The following BATF variants were observed in gnomAD, a reference collection of about 807,000 sequenced individuals.
BATF encodes the protein basic leucine zipper transcriptional factor ATF-like.
BATF carries 5 observed loss-of-function variants against 13.7 expected under a neutral mutation model. The ratio of observed to expected loss-of-function variants is 0.36; its 90% CI spans 0.19 to 0.77. The LOEUF (loss-of-function observed/expected upper bound fraction) is 0.77. BATF is among the 30% of genes least tolerant of loss of function. The pLI, the probability that BATF is intolerant of heterozygous loss-of-function variation, is 0.51. For missense variants in BATF, 124 were observed against 163.0 expected (o/e 0.76, Z 1.30); for synonymous variants, 72 against 67.5 (o/e 1.07, Z -0.33).
chr14:75,535,555 C>T (rs1212823049), intron 2 of BATF, among the ~76,000 whole-genome samples: 2 of 151,906 alleles, frequency 1.3e-5, no homozygotes, highest in African/African-American at 2.4e-5. Flanking sequence ...AAGAAAATGG[C>T]CAAATAGAGA....
At chr14:75,537,130 G>T (rs983518510) in intron 2 of BATF, among the ~76,000 whole-genome samples, 2 of 152,068 alleles carry the variant, frequency 1.3e-5, no homozygotes, top group East Asian at 1.9e-4. Context: ...CCTTTGTTGG[G>T]TATGAATGGA....
intron 1 of BATF, 139 bp downstream of exon 1, chr14:75,522,884 A>T: frequency 1.0e-6 from 1 of 994,930 alleles, no homozygotes; most frequent in African/African-American, 1.6e-5. Context: ...GACTTAGGAC[A>T]TGGAATTTGC....
intron 2 of BATF, among the ~76,000 whole-genome samples, chr14:75,536,826 C>T (rs1215105734): frequency 6.6e-6 from 1 of 152,146 alleles, no homozygotes; most frequent in Non-Finnish European, 1.5e-5. Context: ...CTAATTCAAA[C>T]CCTGCCTGGG....
At chr14:75,523,936 G>A (rs1887614174) in intron 1 of BATF, among the ~76,000 whole-genome samples, 2 of 152,114 alleles carry the variant, frequency 1.3e-5, no homozygotes, top group African/African-American at 4.8e-5. Context: ...AATTACTCAT[G>A]GCTTCCATGG....
intron 2 of BATF, among the ~76,000 whole-genome samples, chr14:75,536,097 C>T (rs748268417): frequency 1.3e-5 from 2 of 152,150 alleles, no homozygotes; most frequent in African/African-American, 4.8e-5. Context: ...TCTGATTTCA[C>T]GAACCTTACA....
chr14:75,523,921 A>G (rs1434919861), intron 1 of BATF, among the ~76,000 whole-genome samples: 1 of 152,086 alleles, frequency 6.6e-6, no homozygotes, highest in Admixed American at 6.5e-5. Flanking sequence ...TTTTCTTAGG[A>G]AGGAAATTAC....
intron 2 of BATF, among the ~76,000 whole-genome samples, chr14:75,540,709 C>T (rs1405245396): frequency 6.6e-6 from 1 of 152,126 alleles, no homozygotes; most frequent in African/African-American, 2.4e-5. Context: ...TTTTCTACCA[C>T]ACAAGTTTGT....
chr14:75,533,223 C>T (rs6574239), intron 2 of BATF, among the ~76,000 whole-genome samples: 132,637 of 151,892 alleles, frequency 0.87, 58,208 homozygotes, highest in South Asian at 0.93. Context: ...GGTCAGGAGA[C>T]TGAGACCATC....
chr14:75,545,881 T>G lies in BATF; in HGVS notation c.169-581T>G, dbSNP rs10147288. Among the ~76,000 whole-genome samples the G allele has an allele frequency of 2.6e-3, 401 of 151,976 alleles. 5 individuals carry two copies. Among genetic ancestry groups the G allele is most frequent in the African/African-American group, 9.4e-3 (389 of 41,448 alleles). ...ATTGCTTTTTTGCCGGGAGGAGAGATGTAGTCTTGCTGTGTTGCCCAGGCT... is the reference window on the plus strand; with the variant it reads ...ATTGCTTTTTTGCCGGGAGGAGAGAGGTAGTCTTGCTGTGTTGCCCAGGCT... On this transcript the variant is annotated intron_variant, in intron 2 of 2. Transcript: ENST00000286639.
chr14:75,540,280 C>T (rs1447882345), intron 2 of BATF, among the ~76,000 whole-genome samples: 1 of 152,122 alleles, frequency 6.6e-6, no homozygotes, highest in Non-Finnish European at 1.5e-5. Context: ...GATTCCCCAT[C>T]GTTGAAGCGC....
At chr14:75,523,042 A>T (rs1887596941) in intron 1 of BATF, among the ~76,000 whole-genome samples, 1 of 152,176 alleles carries the variant, frequency 6.6e-6, no homozygotes, top group Admixed American at 6.5e-5. Flanking sequence ...AAAGAGGAGG[A>T]TGAACATCAA....
rs370367178 is a variant in BATF, at chr14:75,533,094, G to A, written c.168+7906G>A. Among the ~76,000 whole-genome samples the A allele has an allele frequency of 1.9e-3, 287 of 152,212 alleles. 4 individuals carry two copies. The South Asian group carries it at 0.046, about 24-fold the overall frequency. On this transcript the variant is annotated intron_variant, in intron 2 of 2. Coordinates refer to ENST00000286639, the MANE Select transcript of BATF (RefSeq NM_006399.5). The stretch of plus-strand genomic sequence containing the variant: ...ACCACCCCTAACTGCTTGTCTTACC[G>A]ATGACGGGTCGGCATGGCTAAGTTT...
intron 2 of BATF, among the ~76,000 whole-genome samples, chr14:75,541,943 C>T (rs933523360): frequency 1.9e-4 from 29 of 152,008 alleles, no homozygotes; most frequent in African/African-American, 6.8e-4. Context: ...GGATTACAGG[C>T]GTGAGCCACA....
At chr14:75,531,260 C>T (rs1178663151) in intron 2 of BATF, among the ~76,000 whole-genome samples, 1 of 152,186 alleles carries the variant, frequency 6.6e-6, no homozygotes, top group African/African-American at 2.4e-5. Flanking sequence ...AAATCCGTTT[C>T]CTTTGTGTAG....
intron 1 of BATF, among the ~76,000 whole-genome samples, chr14:75,523,380 G>A (rs1379093508): frequency 2.6e-5 from 4 of 152,126 alleles, no homozygotes; most frequent in Non-Finnish European, 5.9e-5. Flanking sequence ...CTTCTGGATA[G>A]GAGCAAGGAA....
At chr14:75,534,635 C>T (rs967717538) in intron 2 of BATF, among the ~76,000 whole-genome samples, 2 of 152,164 alleles carry the variant, frequency 1.3e-5, no homozygotes, top group Non-Finnish European at 2.9e-5. Flanking sequence ...CAACCTGTAA[C>T]ATTAACATGA....
At chr14:75,530,261 AGCAG>A (rs1213947328) in intron 2 of BATF, among the ~76,000 whole-genome samples, 1 of 152,188 alleles carries the variant, frequency 6.6e-6, no homozygotes, top group Non-Finnish European at 1.5e-5. Flanking sequence ...GTAATGGAGA[AGCAG>A]GCACCATCAC....
At chr14:75,524,561 C>T (rs1434823374) in intron 1 of BATF, among the ~76,000 whole-genome samples, 1 of 152,110 alleles carries the variant, frequency 6.6e-6, no homozygotes, top group Non-Finnish European at 1.5e-5. Flanking sequence ...GCCTCAGTTT[C>T]CTCACATATA....
At chr14:75,541,462 C>T (rs1328770349) in intron 2 of BATF, among the ~76,000 whole-genome samples, 1 of 152,120 alleles carries the variant, frequency 6.6e-6, no homozygotes, top group Non-Finnish European at 1.5e-5. Context: ...GGTCTGGCCT[C>T]GAGTCAGCCC....
Sources: gnomAD v4.1 joint callset for allele counts (sites outside exome capture counted in the v4.1 genomes callset) on GRCh38, gnomAD v4.1.1 for gene constraint, MANE v1.5 for transcripts, NCBI Gene and HGNC (gene_info 2026-07-23, HGNC 2026-07-21) for gene names.